SLC28A3: variants seen among roughly 807,000 people sequenced by gnomAD.
SLC28A3 encodes solute carrier family 28 member 3, also known as concentrative Na(+)-nucleoside cotransporter 3.
A neutral mutation model predicts 84.2 loss-of-function variants in SLC28A3; 68 were observed. The ratio of observed to expected loss-of-function variants is 0.81; its 90% confidence interval spans 0.66 to 0.99. SLC28A3 has a LOEUF of 0.99. SLC28A3 is among the 50% of genes least tolerant of loss of function. The probability of loss-of-function intolerance (pLI) is 0.00; values close to 1 mark genes in which losing one functional copy is unlikely to be tolerated. For missense variants in SLC28A3, 712 were observed against 841.5 expected (o/e 0.85, Z 1.90); for synonymous variants, 267 against 303.6 (o/e 0.88, Z 1.25).
At chr9:84,295,607 A>AAACG (rs1010178969) in intron 8 of SLC28A3, among the ~76,000 whole-genome samples, 1 of 148,248 alleles carries the variant, frequency 6.7e-6, no homozygotes, top group Admixed American at 6.6e-5. Flanking sequence ...ACAAACAAAC[A>AAACG]AAACAAACAA....
the SLC28A3 span, among the ~76,000 whole-genome samples, chr9:84,366,301 T>C: frequency 6.6e-6 from 1 of 152,298 alleles, no homozygotes; most frequent in Admixed American, 6.5e-5. Context: ...CTGTGTTATC[T>C]TGAATCTCTT....
intron 1 of SLC28A3, among the ~76,000 whole-genome samples, chr9:84,317,742 C>T (rs369959716): frequency 3.3e-5 from 5 of 152,194 alleles, no homozygotes; most frequent in African/African-American, 9.7e-5. Flanking sequence ...CAGTACCTAC[C>T]TAACAAAGTT....
At chr9:84,291,535 C>A (rs1287183948) in intron 10 of SLC28A3, among the ~76,000 whole-genome samples, 3 of 152,122 alleles carry the variant, frequency 2.0e-5, no homozygotes, top group African/African-American at 7.2e-5. Context: ...GGGGTTTCTC[C>A]GTGTTGGTCA....
intron 1 of SLC28A3, among the ~76,000 whole-genome samples, chr9:84,316,141 C>A (rs1826164206): frequency 6.6e-6 from 1 of 152,154 alleles, no homozygotes; most frequent in South Asian, 2.1e-4. Context: ...TGATCTTGCA[C>A]TTTCTATGTG....
At position 84,299,533 on chromosome 9, in the gene SLC28A3, A is replaced by G. The variant is rs1159860300; in HGVS notation, c.669+48T>C. 6 of 1,607,950 alleles carry G rather than the reference A, an allele frequency of 3.7e-6. No homozygotes were observed. In the Admixed American group the frequency reaches 8.4e-5, roughly 23 times the overall value. ...AATCAGTATTTTGAGCAATTTACAC[A>G]TGGGGAGAAAAAGAAAAAAGAACCT... is the stretch of plus-strand genomic sequence containing the variant. On this transcript the variant is annotated intron_variant, in intron 6 of 17. Coordinates refer to ENST00000376238, the MANE Select transcript of SLC28A3 (RefSeq NM_001199633.2).
At chr9:84,315,394 C>A (rs978854185) in intron 1 of SLC28A3, among the ~76,000 whole-genome samples, 25 of 152,188 alleles carry the variant, frequency 1.6e-4, no homozygotes, top group Non-Finnish European at 3.2e-4. Flanking sequence ...CGGATCCTTA[C>A]GGAATCCTGA....
the SLC28A3 span, among the ~76,000 whole-genome samples, chr9:84,350,298 C>T: frequency 9.2e-5 from 14 of 151,888 alleles, no homozygotes; most frequent in South Asian, 4.2e-4. Context: ...AAAAATTAGC[C>T]GGGTGTGGTG....
At chr9:84,366,118 C>T in the SLC28A3 span, among the ~76,000 whole-genome samples, 38 of 152,164 alleles carry the variant, frequency 2.5e-4, no homozygotes, top group Admixed American at 1.6e-3. Flanking sequence ...ACTGTATTTT[C>T]AAACAGCCTG....
intron 1 of SLC28A3, among the ~76,000 whole-genome samples, chr9:84,319,474 G>T (rs1826289368): frequency 6.6e-6 from 1 of 152,094 alleles, no homozygotes; most frequent in East Asian, 1.9e-4. Flanking sequence ...AGACCAGGTT[G>T]AGCAACATGG....
intron 3 of SLC28A3, among the ~76,000 whole-genome samples, chr9:84,307,960 T>G (rs1023412369): frequency 6.6e-5 from 10 of 152,206 alleles, no homozygotes; most frequent in Non-Finnish European, 2.9e-5. Flanking sequence ...TCTCAGTACC[T>G]CCGGGTCAGA....
At chr9:84,344,272 T>C (rs1053077603), upstream of SLC28A3, among the ~76,000 whole-genome samples, 2 of 140,292 alleles carry the variant, frequency 1.4e-5, no homozygotes, top group African/African-American at 2.7e-5. Flanking sequence ...TACTGCAACC[T>C]CCGACTTCCG....
At chr9:84,286,334 T>G (rs901326227) in intron 12 of SLC28A3, among the ~76,000 whole-genome samples, 24 of 152,078 alleles carry the variant, frequency 1.6e-4, no homozygotes, top group African/African-American at 5.8e-4. Context: ...GTTCTGTGTC[T>G]CAGGCTGGAG....
chr9:84,328,553 G>A (rs1255317215), intron 1 of SLC28A3, among the ~76,000 whole-genome samples: 1 of 152,124 alleles, frequency 6.6e-6, no homozygotes, highest in African/African-American at 2.4e-5. Flanking sequence ...GAGGTCAGGA[G>A]TTTGAGACCA....
At chr9:84,354,500 G>A in the SLC28A3 span, among the ~76,000 whole-genome samples, 11 of 152,322 alleles carry the variant, frequency 7.2e-5, no homozygotes, top group African/African-American at 2.2e-4. Context: ...GTTTATAATC[G>A]ATTGAAACAC....
intron 1 of SLC28A3, among the ~76,000 whole-genome samples, chr9:84,318,024 G>A (rs1400244161): frequency 6.6e-6 from 1 of 152,122 alleles, no homozygotes; most frequent in African/African-American, 2.4e-5. Flanking sequence ...TTCTTCGACT[G>A]CATGGATTTT....
At chr9:84,363,195 A>C in the SLC28A3 span, among the ~76,000 whole-genome samples, 1 of 152,366 alleles carries the variant, frequency 6.6e-6, no homozygotes, top group South Asian at 2.1e-4. Flanking sequence ...ATAAAGAAGA[A>C]CAAGGGTCCC....
intron 1 of SLC28A3, among the ~76,000 whole-genome samples, chr9:84,331,236 T>TTG (rs528922469): frequency 3.3e-5 from 5 of 152,116 alleles, no homozygotes; most frequent in South Asian, 2.1e-4. Context: ...TCATGTGTTT[T>TTG]TGTGTGTGTG....
upstream of SLC28A3, among the ~76,000 whole-genome samples, chr9:84,341,367 G>A (rs1379179154): frequency 6.6e-6 from 1 of 152,042 alleles, no homozygotes; most frequent in Non-Finnish European, 1.5e-5. Flanking sequence ...GAGGGTGAGT[G>A]AACACAGGAT....
intron 1 of SLC28A3, among the ~76,000 whole-genome samples, chr9:84,321,029 A>C (rs2118498872): frequency 6.6e-6 from 1 of 152,198 alleles, no homozygotes; most frequent in East Asian, 1.9e-4. Flanking sequence ...TGATTACTTA[A>C]TTATAGTTGT....
Sources: allele counts gnomAD v4.1 joint callset (sites outside exome capture counted in the v4.1 genomes callset), GRCh38; gene constraint gnomAD v4.1.1; transcripts MANE v1.5; gene names NCBI Gene and HGNC (gene_info 2026-07-23, HGNC 2026-07-21).